RGS22: variants seen among roughly 807,000 people sequenced by gnomAD.
RGS22 encodes regulator of G protein signaling 22.
A neutral mutation model predicts 172.9 loss-of-function variants in RGS22; 148 were observed. The ratio of observed to expected loss-of-function variants is 0.86; its 90% CI spans 0.75 to 0.98. RGS22 has a LOEUF of 0.98. Ranked by LOEUF, RGS22 falls within the 50% of genes least tolerant of loss-of-function variation. RGS22 has a pLI of 0.00. For missense variants in RGS22, 1,347 were observed against 1,440.8 expected, an observed-to-expected ratio of 0.93 and a Z score of 1.05; for synonymous variants, 458 against 480.2, an observed-to-expected ratio of 0.95 and a Z score of 0.60.
intron 2 of RGS22, among the ~76,000 whole-genome samples, chr8:100,099,906 G>C (rs957959750): frequency 6.6e-6 from 1 of 152,178 alleles, no homozygotes; most frequent in African/African-American, 2.4e-5. Context: ...ATATGAAGCT[G>C]CCTAGTGTGT....
At chr8:99,987,408 T>C (rs368253961) in intron 21 of RGS22, 50 bp downstream of exon 21, 10 of 1,387,312 alleles carry the variant, frequency 7.2e-6, no homozygotes, top group Non-Finnish European at 9.8e-6. Context: ...GACATTTTAA[T>C]GCATTTCCTC....
intron 14 of RGS22, among the ~76,000 whole-genome samples, chr8:100,025,003 T>TATAC (rs1818021378): frequency 6.8e-6 from 1 of 147,250 alleles, no homozygotes; most frequent in Non-Finnish European, 1.5e-5. Flanking sequence ...AAAGAGGATC[T>TATAC]ATAAATAAAT....
intron 23 of RGS22, among the ~76,000 whole-genome samples, chr8:99,974,954 T>C (rs73274919): frequency 0.077 from 11,650 of 152,064 alleles, 652 homozygotes; most frequent in African/African-American, 0.15. Context: ...TTGAGATACC[T>C]GGCCAACATG....
At chr8:100,037,467 A>T (rs1563649454) in intron 14 of RGS22, among the ~76,000 whole-genome samples, 1 of 152,186 alleles carries the variant, frequency 6.6e-6, no homozygotes, top group Non-Finnish European at 1.5e-5. Context: ...TATCCAAAAG[A>T]GAACCTAGGA....
chr8:99,967,730 A>G (rs563930086), intron 23 of RGS22, among the ~76,000 whole-genome samples: 4 of 152,224 alleles, frequency 2.6e-5, no homozygotes, highest in Admixed American at 6.5e-5. Context: ...CAGCAGCCCC[A>G]GTCAGGGGCT....
At chr8:100,001,219 T>TATATAC (rs1402594104) in intron 18 of RGS22, among the ~76,000 whole-genome samples, 1 of 132,966 alleles carries the variant, frequency 7.5e-6, no homozygotes, top group Non-Finnish European at 1.6e-5. Context: ...TATATATATA[T>TATATAC]ACATATATAT....
Position 100,085,171 on chromosome 8 carries a change from G to A in RGS22, c.118-4816C>T, listed in dbSNP as rs1307365682. ...GATACTCCATCAGTCCATGATGGAC[G>A]TTCCAGGAAAAAAGTCTATATCTTC... On this transcript the variant is annotated intron_variant, in intron 3 of 27. Transcript: ENST00000360863. Among the ~76,000 whole-genome samples the A allele has an allele frequency of 7.9e-5, 12 of 152,232 alleles. No homozygotes were observed. The East Asian group carries it at 1.5e-3, about 20-fold the overall frequency.
chr8:99,995,390 A>C (rs1024911474), intron 20 of RGS22, among the ~76,000 whole-genome samples: 6 of 152,252 alleles, frequency 3.9e-5, no homozygotes, highest in African/African-American at 1.2e-4. Flanking sequence ...TAATATCCAG[A>C]ATCTACGAAG....
At chr8:100,047,741 TTC>T (rs1259241736) in intron 10 of RGS22, 145 bp from the exon 11 acceptor site, 1 of 664,552 alleles carries the variant, frequency 1.5e-6, no homozygotes, top group East Asian at 3.4e-5. Context: ...TAGAAATTTT[TTC>T]TTTCTCCAAC....
At chr8:99,999,476 T>G in intron 18 of RGS22, 56 bp from the exon 19 acceptor site, 1 of 1,568,594 alleles carries the variant, frequency 6.4e-7, no homozygotes, top group East Asian at 2.3e-5. Context: ...GAAACACTAA[T>G]AGTCATTAAT....
Position 100,002,369 on chromosome 8 carries a change from A to G in RGS22, c.2628-5T>C. 2 of 1,594,064 alleles carry G rather than the reference A, an allele frequency of 1.3e-6. No individual in the cohort carries two copies. Among genetic ancestry groups the G allele is most frequent in the Non-Finnish European group, 1.7e-6 (2 of 1,174,850 alleles). On this transcript the variant is annotated splice_region_variant and splice_polypyrimidine_tract_variant and intron_variant, in intron 17 of 27. Coordinates refer to ENST00000360863, the MANE Select transcript of RGS22 (RefSeq NM_015668.5). The stretch of plus-strand genomic sequence containing the variant: ...GTCCAGCACATAAGATCCATGCTAA[A>G]ATGAAAACAAAAACAATGTATAGCT...
chr8:100,040,286 G>A (rs2131598652), intron 12 of RGS22, among the ~76,000 whole-genome samples, 199 bp from the exon 13 acceptor site: 1 of 152,274 alleles, frequency 6.6e-6, no homozygotes, highest in African/African-American at 2.4e-5. Flanking sequence ...CCCAACTATA[G>A]CCACAGAATA....
At position 100,038,961 on chromosome 8, in the gene RGS22, A is replaced by G; in HGVS notation, c.2136T>C (p.Leu712=). 1 of 1,612,298 alleles carries G rather than the reference A, an allele frequency of 6.2e-7. No homozygotes were observed. Among genetic ancestry groups the G allele is most frequent in the Non-Finnish European group, 8.5e-7 (1 of 1,178,902 alleles). Residue 712 remains leucine, a synonymous_variant, in exon 14 of 28, where the codon CTT becomes CTC. Transcript: ENST00000360863. ...CTTGCTTGCATACTTTAAAAGGCTG[A>G]AGTGTTTCTTGGTAGAAAAGCTGAT... ...AYHQLFYQET[L]QPFKVCKQAQ...
chr8:99,962,334 A>T, intron 27 of RGS22, 60 bp downstream of exon 27: 1 of 1,060,006 alleles, frequency 9.4e-7, no homozygotes. Flanking sequence ...GTGCATGTAC[A>T]TGAATGAGTG....
chr8:100,047,906 A>C (rs1820892602), intron 10 of RGS22, among the ~76,000 whole-genome samples: 1 of 151,980 alleles, frequency 6.6e-6, no homozygotes, highest in Non-Finnish European at 1.5e-5. Context: ...TTATTCTATA[A>C]CTGAATAGGT....
intron 7 of RGS22, 28 bp from the exon 8 acceptor site, chr8:100,064,071 A>G (rs528132651): frequency 2.8e-6 from 4 of 1,438,468 alleles, no homozygotes; most frequent in South Asian, 3.1e-5. Context: ...AAGCTATTAG[A>G]TTAGATATGA....
chr8:100,075,854 G>A (rs1012688390), intron 4 of RGS22, among the ~76,000 whole-genome samples: 18 of 151,992 alleles, frequency 1.2e-4, no homozygotes, highest in Non-Finnish European at 2.2e-4. Context: ...AGTGTATGAA[G>A]GTTCTAATCA....
At chr8:99,995,375 A>T (rs1035666442) in intron 20 of RGS22, among the ~76,000 whole-genome samples, 5 of 152,206 alleles carry the variant, frequency 3.3e-5, no homozygotes, top group Admixed American at 2.6e-4. Context: ...CATCTGACAA[A>T]GGGTTAATAT....
At chr8:100,091,212 C>A (rs2131983736) in intron 3 of RGS22, among the ~76,000 whole-genome samples, 1 of 151,168 alleles carries the variant, frequency 6.6e-6, no homozygotes, top group African/African-American at 2.4e-5. Flanking sequence ...ACAACATTTT[C>A]TCTTCTCTTG....
Sources: allele counts gnomAD v4.1 joint callset (sites outside exome capture counted in the v4.1 genomes callset), GRCh38; gene constraint gnomAD v4.1.1; transcripts MANE v1.5; gene names NCBI Gene and HGNC (gene_info 2026-07-23, HGNC 2026-07-21).